Variants in NKAIN2 observed in about 807,000 individuals in gnomAD.
NKAIN2 encodes sodium/potassium-transporting ATPase subunit beta-1-interacting protein 2.
Under a neutral mutation model 32.6 loss-of-function variants are expected in NKAIN2, and 14 were observed. The observed-to-expected ratio is 0.43, with a 90% CI of 0.28 to 0.67. The LOEUF (loss-of-function observed/expected upper bound fraction) is 0.67, where lower values mean the gene tolerates loss of function less well. Among genes scored for constraint, NKAIN2 ranks in the 30% least tolerant of loss-of-function variants. The pLI is 0.17. For synonymous variants in NKAIN2, 80 were observed against 87.2 expected, an observed-to-expected ratio of 0.92 and a Z score of 0.46; for missense variants, 198 against 258.3, an observed-to-expected ratio of 0.77 and a Z score of 1.60.
intron 4 of NKAIN2, among the ~76,000 whole-genome samples, chr6:124,784,562 C>T (rs932112407): frequency 1.1e-4 from 16 of 152,032 alleles, no homozygotes; most frequent in African/African-American, 3.6e-4. Context: ...ATCAGTCATC[C>T]CTTCCTTTTT....
intron 1 of NKAIN2, among the ~76,000 whole-genome samples, chr6:123,941,626 A>G (rs1393220415): frequency 6.6e-6 from 1 of 151,986 alleles, no homozygotes; most frequent in African/African-American, 2.4e-5. Flanking sequence ...GGTACTTCAA[A>G]CACAAATATT....
intron 4 of NKAIN2, among the ~76,000 whole-genome samples, chr6:124,691,579 T>C (rs1371432152): frequency 6.6e-6 from 1 of 152,164 alleles, no homozygotes; most frequent in African/African-American, 2.4e-5. Context: ...AGCCACTGGT[T>C]CCCAAATTAA....
chr6:124,028,913 GTATATATATGTGTATA>G (rs1781277581), intron 1 of NKAIN2, among the ~76,000 whole-genome samples: 1 of 13,820 alleles, frequency 7.2e-5, no homozygotes, highest in African/African-American at 5.2e-4. Flanking sequence ...ACACATATAT[GTATATATATGTGTATA>G]TATATATATA....
At chr6:124,146,013 A>G (rs1206688999) in intron 1 of NKAIN2, among the ~76,000 whole-genome samples, 1 of 152,194 alleles carries the variant, frequency 6.6e-6, no homozygotes, top group Non-Finnish European at 1.5e-5. Flanking sequence ...ATTCAAGTAA[A>G]ACTGGGAATT....
intron 1 of NKAIN2, among the ~76,000 whole-genome samples, chr6:123,846,433 T>C (rs1228144872): frequency 6.6e-6 from 1 of 152,166 alleles, no homozygotes; most frequent in Non-Finnish European, 1.5e-5. Context: ...ATGGGCTGTT[T>C]TTATTTAAAA....
rs182896743 is a variant in NKAIN2 at position 124,792,310 on chromosome 6, C to G, written c.535+911C>G. ...CAAAGATAAATATCTGTTTCTTCTT[C>G]CCTTTCCAATTATACTGGAAAGGAA... On this transcript the variant is annotated intron_variant, in intron 5 of 6. Transcript: ENST00000368417. Among the ~76,000 whole-genome samples the G allele has an allele frequency of 5.9e-4, 89 of 152,110 alleles. 1 individual carries two copies. The highest frequency in any genetic ancestry group is 2.4e-4 in the Non-Finnish European group (16 of 67,972).
At chr6:124,726,404 A>G (rs968460004) in intron 4 of NKAIN2, among the ~76,000 whole-genome samples, 40 of 152,090 alleles carry the variant, frequency 2.6e-4, no homozygotes, top group Non-Finnish European at 8.8e-5. Flanking sequence ...CTGACCCATG[A>G]CCCCTGAGCA....
intron 1 of NKAIN2, among the ~76,000 whole-genome samples, chr6:124,135,267 C>G (rs1786699308): frequency 6.6e-6 from 1 of 151,186 alleles, no homozygotes. Context: ...AGAACAGTAC[C>G]TCAAATCTCA....
At position 124,794,569 on chromosome 6, in the gene NKAIN2, T is replaced by A. The variant is rs78847169; in HGVS notation, c.535+3170T>A. Among the ~76,000 whole-genome samples, 1,174 of 152,324 alleles carry A rather than the reference T, an allele frequency of 7.7e-3. 13 individuals carry two copies. Among genetic ancestry groups the A allele is most frequent in the African/African-American group, 0.027 (1,129 of 41,574 alleles). Reference sequence around the variant, plus strand: ...GACTTCTCAAAGACACGTTTTATCATGTTAGTCTTATTGCTCAGTGCGCAA... The same window carrying A: ...GACTTCTCAAAGACACGTTTTATCAAGTTAGTCTTATTGCTCAGTGCGCAA... On this transcript the variant is annotated intron_variant, in intron 5 of 6. Coordinates refer to ENST00000368417, the MANE Select transcript of NKAIN2 (RefSeq NM_001040214.3).
At chr6:124,152,074 A>C (rs1787753930) in intron 1 of NKAIN2, among the ~76,000 whole-genome samples, 1 of 151,876 alleles carries the variant, frequency 6.6e-6, no homozygotes, top group Non-Finnish European at 1.5e-5. Context: ...ACCCTAGAAA[A>C]CTTATTACCT....
chr6:124,155,638 A>G (rs1051893675), intron 1 of NKAIN2, among the ~76,000 whole-genome samples: 9 of 151,680 alleles, frequency 5.9e-5, no homozygotes, highest in Admixed American at 3.9e-4. Flanking sequence ...CAGAGAGGCA[A>G]TTTTGATATG....
chr6:124,113,089 C>G (rs1260536305), intron 1 of NKAIN2, among the ~76,000 whole-genome samples: 1 of 152,016 alleles, frequency 6.6e-6, no homozygotes, highest in Non-Finnish European at 1.5e-5. Flanking sequence ...TTTCTTGACT[C>G]TCTCTGTTGG....
intron 1 of NKAIN2, among the ~76,000 whole-genome samples, chr6:123,894,755 G>A (rs974801628): frequency 2.6e-5 from 4 of 152,054 alleles, no homozygotes; most frequent in African/African-American, 9.7e-5. Context: ...GTATGTGAAT[G>A]CGGGGAAGGG....
chr6:124,316,291 GA>G (rs1796946807), intron 2 of NKAIN2, among the ~76,000 whole-genome samples: 1 of 151,900 alleles, frequency 6.6e-6, no homozygotes, highest in Admixed American at 6.6e-5. Context: ...AAAAATTTAA[GA>G]AAGAAAAATC....
chr6:124,778,742 C>T lies in NKAIN2; in HGVS notation c.475-12597C>T, dbSNP rs145119392. ...CTTTTAGAAGGCGATTCCAAAAAAT[C>T]TCTAAATTAGCTAACCATTCTCAAC... On this transcript the variant is annotated intron_variant, in intron 4 of 6. Coordinates refer to ENST00000368417, the MANE Select transcript of NKAIN2 (RefSeq NM_001040214.3). Among the ~76,000 whole-genome samples, 16 of 152,092 alleles carry T rather than the reference C, an allele frequency of 1.1e-4. No homozygotes were observed. In the East Asian group the frequency reaches 2.9e-3, roughly 28 times the overall value.
intron 3 of NKAIN2, among the ~76,000 whole-genome samples, chr6:124,433,352 C>T (rs62436341): frequency 6.6e-6 from 1 of 152,132 alleles, no homozygotes; most frequent in East Asian, 1.9e-4. Flanking sequence ...TTAGTTGAAT[C>T]TCATTGGTAT....
chr6:124,399,267 T>C (rs1464508699), intron 3 of NKAIN2, among the ~76,000 whole-genome samples: 1 of 152,154 alleles, frequency 6.6e-6, no homozygotes, highest in African/African-American at 2.4e-5. Context: ...TTTTACTTAT[T>C]TTCAAGTTTA....
At chr6:123,979,879 G>GT (rs150130777) in intron 1 of NKAIN2, among the ~76,000 whole-genome samples, 13,017 of 151,930 alleles carry the variant, frequency 0.086, 1,837 homozygotes, top group African/African-American at 0.29. Context: ...TGTCTACCTT[G>GT]TTTTTTTCTC....
At chr6:124,215,742 A>G (rs1791440534) in intron 1 of NKAIN2, among the ~76,000 whole-genome samples, 1 of 152,158 alleles carries the variant, frequency 6.6e-6, no homozygotes, top group Non-Finnish European at 1.5e-5. Context: ...TTTCTTAGGA[A>G]TCCATCAGAG....
Sources: allele counts gnomAD v4.1 joint callset (sites outside exome capture counted in the v4.1 genomes callset), GRCh38; gene constraint gnomAD v4.1.1; transcripts MANE v1.5; gene names NCBI Gene and HGNC (gene_info 2026-07-23, HGNC 2026-07-21).